KDM4C: variants seen among roughly 807,000 people sequenced by gnomAD.
KDM4C encodes lysine-specific demethylase 4C.
In KDM4C, 81 loss-of-function variants were observed where a neutral mutation model predicts 129.3. The observed-to-expected ratio is 0.63, with a 90% confidence interval of 0.52 to 0.75. The LOEUF (loss-of-function observed/expected upper bound fraction) is 0.75, where lower values mean the gene tolerates loss of function less well. Among genes scored for constraint, KDM4C ranks in the 30% least tolerant of loss-of-function variants. KDM4C has a pLI of 0.00. For missense variants in KDM4C, 1,457 were observed against 1,304.0 expected (o/e 1.12, Z -1.81); for synonymous variants, 573 against 456.1 (o/e 1.26, Z -3.26).
At chr9:6,740,273 G>A (rs1022517775) in intron 1 of KDM4C, among the ~76,000 whole-genome samples, 3 of 151,624 alleles carry the variant, frequency 2.0e-5, no homozygotes, top group African/African-American at 7.3e-5. Flanking sequence ...ATGCAATCTC[G>A]TCTCACTGCA....
At chr9:6,993,936 G>A (rs1227343218) in intron 12 of KDM4C, among the ~76,000 whole-genome samples, 9 of 151,778 alleles carry the variant, frequency 5.9e-5, no homozygotes, top group South Asian at 2.1e-4. Flanking sequence ...ACTTTGCGAC[G>A]TGAGTCTTCC....
At chr9:7,112,984 T>C (rs1451635532) in intron 18 of KDM4C, among the ~76,000 whole-genome samples, 4 of 152,154 alleles carry the variant, frequency 2.6e-5, no homozygotes, top group Non-Finnish European at 4.4e-5. Context: ...TCTTTTTTTT[T>C]CCTTAGACTT....
intron 8 of KDM4C, among the ~76,000 whole-genome samples, chr9:6,937,715 T>A (rs980470552): frequency 2.0e-5 from 3 of 152,080 alleles, no homozygotes; most frequent in Admixed American, 1.3e-4. Context: ...TATATTTAAT[T>A]TAATTTAATT....
chr9:7,068,219 T>C (rs1346156066), intron 17 of KDM4C, among the ~76,000 whole-genome samples: 3 of 152,202 alleles, frequency 2.0e-5, no homozygotes, highest in Admixed American at 2.0e-4. Flanking sequence ...CACATATATG[T>C]GAATCTGTTT....
intron 15 of KDM4C, among the ~76,000 whole-genome samples, chr9:7,021,097 G>C (rs886984251): frequency 3.4e-5 from 5 of 148,924 alleles, no homozygotes; most frequent in Non-Finnish European, 7.4e-5. Flanking sequence ...ACACCTGTTT[G>C]TCATTTGTAC....
intron 8 of KDM4C, among the ~76,000 whole-genome samples, chr9:6,945,794 C>G (rs565453414): frequency 1.3e-5 from 2 of 152,056 alleles, no homozygotes; most frequent in Non-Finnish European, 2.9e-5. Context: ...ATGTTAAGGT[C>G]TTGAATCTTA....
At chr9:6,873,052 GA>G (rs1842999902) in intron 5 of KDM4C, among the ~76,000 whole-genome samples, 1 of 152,066 alleles carries the variant, frequency 6.6e-6, no homozygotes, top group Non-Finnish European at 1.5e-5. Context: ...TCAGCCTTCT[GA>G]GTAGTTGGGA....
intron 6 of KDM4C, among the ~76,000 whole-genome samples, chr9:6,881,326 A>C (rs1214119695): frequency 2.6e-5 from 4 of 152,234 alleles, no homozygotes; most frequent in African/African-American, 9.6e-5. Flanking sequence ...AATGTAATAC[A>C]TAATAGTAAT....
intron 17 of KDM4C, among the ~76,000 whole-genome samples, chr9:7,066,528 G>A (rs1488662375): frequency 6.6e-6 from 1 of 152,140 alleles, no homozygotes; most frequent in Admixed American, 6.5e-5. Context: ...AATAGTGTAT[G>A]TTTTTCAGAT....
chr9:7,104,079 C>T, intron 18 of KDM4C: 2 of 534,770 alleles, frequency 3.7e-6, no homozygotes, highest in Non-Finnish European at 6.7e-6. Context: ...ACGCTAGGCA[C>T]AATAAATCTG....
intron 8 of KDM4C, among the ~76,000 whole-genome samples, chr9:6,968,655 C>T (rs756232968): frequency 3.3e-5 from 5 of 152,080 alleles, no homozygotes; most frequent in South Asian, 2.1e-4. Context: ...AGTGAGGGTT[C>T]GTTGAAAATA....
At position 7,175,637 on chromosome 9, in the gene KDM4C, C is replaced by G. The variant is rs1444087651; in HGVS notation, c.*908C>G. The G allele has an allele frequency of 6.6e-6, 1 of 152,148 alleles. No individual in the cohort carries two copies. Among genetic ancestry groups the G allele is most frequent in the Non-Finnish European group, 1.5e-5 (1 of 68,010 alleles). The allele number at this position is 152,148 out of a possible 1,614,324, so 9.4% of individuals were successfully genotyped here. A position where few individuals can be genotyped will look rare whatever the true frequency, so the allele number is the denominator to read the frequency against. ...TACTAGTGTTTAAAAATAAAGATTT[C>G]CATTTTCTCCAGTCCTGTCTCTGAC... is the stretch of plus-strand genomic sequence containing the variant. On this transcript the variant is annotated 3_prime_UTR_variant, in exon 22 of 22. Coordinates refer to ENST00000381309, the MANE Select transcript of KDM4C (RefSeq NM_015061.6).
At chr9:7,159,306 CA>C (rs1338713548) in intron 19 of KDM4C, among the ~76,000 whole-genome samples, 1 of 152,108 alleles carries the variant, frequency 6.6e-6, no homozygotes, top group Non-Finnish European at 1.5e-5. Flanking sequence ...CTGTGTCTTT[CA>C]ATTGGGGCAT....
chr9:7,016,425 C>T (rs1586932442), intron 15 of KDM4C, among the ~76,000 whole-genome samples: 15 of 102,722 alleles, frequency 1.5e-4, no homozygotes, highest in South Asian at 3.4e-4. Context: ...CTGTTCCTGG[C>T]TTTTTTTTTT....
chr9:6,895,175 A>G (rs1846665351), intron 8 of KDM4C, among the ~76,000 whole-genome samples: 1 of 152,174 alleles, frequency 6.6e-6, no homozygotes, highest in Non-Finnish European at 1.5e-5. Flanking sequence ...AATTACCACA[A>G]ACTTTGTGTT....
intron 5 of KDM4C, among the ~76,000 whole-genome samples, chr9:6,853,336 A>T (rs981982116): frequency 1.9e-4 from 29 of 151,856 alleles, no homozygotes; most frequent in African/African-American, 6.8e-4. Flanking sequence ...AAAAAAAAAT[A>T]AGAAAATTAG....
At chr9:7,166,448 GTA>G (rs1844393911) in intron 20 of KDM4C, among the ~76,000 whole-genome samples, 4 of 7,894 alleles carry the variant, frequency 5.1e-4, no homozygotes, top group East Asian at 2.9e-3. Flanking sequence ...CATTGTGTGT[GTA>G]TGTGTGTATG....
At chr9:6,989,168 C>G (rs1290472688) in intron 11 of KDM4C, among the ~76,000 whole-genome samples, 1 of 152,130 alleles carries the variant, frequency 6.6e-6, no homozygotes, top group African/African-American at 2.4e-5. Flanking sequence ...TCGTATATTG[C>G]ATTTGTCATT....
rs557431334 is a variant in KDM4C at position 7,012,146 on chromosome 9, G to T, written c.1968+267G>T. ...TGCAGTGGCACAATCATGACTCCGT[G>T]CAGGCTTGTACTCTGGCTCAGGCGA... On this transcript the variant is annotated intron_variant, in intron 13 of 21. Transcript: ENST00000381309. Among the ~76,000 whole-genome samples, 3 of 152,298 alleles carry T rather than the reference G, an allele frequency of 2.0e-5. No homozygotes were observed. The East Asian group carries it at 5.8e-4, about 29-fold the overall frequency.
Sources: allele counts gnomAD v4.1 joint callset (sites outside exome capture counted in the v4.1 genomes callset), GRCh38; gene constraint gnomAD v4.1.1; transcripts MANE v1.5; gene names NCBI Gene and HGNC (gene_info 2026-07-23, HGNC 2026-07-21).